Variants in SGSM1 observed in about 807,000 individuals in gnomAD.
SGSM1 encodes small G protein signaling modulator 1.
A neutral mutation model predicts 133.8 loss-of-function variants in SGSM1; 73 were observed. The observed-to-expected ratio is 0.55, with a 90% CI of 0.45 to 0.66. SGSM1 has a LOEUF of 0.66. SGSM1 is among the 30% of genes least tolerant of loss of function. The pLI is 0.00. For synonymous variants in SGSM1, 563 were observed against 573.0 expected (o/e 0.98, Z 0.25); for missense variants, 1,213 against 1,448.1 (o/e 0.84, Z 2.64).
chr22:24,840,989 T>C (rs999196659), intron 2 of SGSM1, among the ~76,000 whole-genome samples: 5 of 152,130 alleles, frequency 3.3e-5, no homozygotes, highest in African/African-American at 4.8e-5. Context: ...TAGCTGGGAC[T>C]ACAGGCGCCC....
chr22:24,894,859 A>G (rs1179366666), intron 17 of SGSM1, among the ~76,000 whole-genome samples: 2 of 152,136 alleles, frequency 1.3e-5, no homozygotes, highest in African/African-American at 2.4e-5. Context: ...GGGCAGAAGC[A>G]TGTATACAGG....
In SGSM1 at chr22:24,919,065, T is replaced by C. The variant is rs1464762681; in HGVS notation, c.3026-761T>C. On this transcript the variant is annotated intron_variant, in intron 23 of 24. Transcript: ENST00000400358. Reference sequence around the variant, plus strand: ...CTTTTTTTTTTTTTTTTTTTTTTTTTCGAGATGAAGTCTGGCTCTGTCACC... The same window carrying C: ...CTTTTTTTTTTTTTTTTTTTTTTTTCCGAGATGAAGTCTGGCTCTGTCACC... Among the ~76,000 whole-genome samples the C allele has an allele frequency of 8.7e-5, 9 of 104,016 alleles. No homozygotes were observed. The East Asian group carries it at 2.2e-3, about 25-fold the overall frequency. The allele number at this position is 104,016 out of a possible 152,430, so 68.2% of individuals were successfully genotyped here.
At position 24,892,418 on chromosome 22, in the gene SGSM1, T is replaced by C. The variant is rs5996788; in HGVS notation, c.1771-1013T>C. 6.8e-3 allele frequency among the ~76,000 whole-genome samples: 1,040 copies of C among 152,228 alleles called. 10 individuals carry two copies. The highest frequency in any genetic ancestry group is 0.024 in the African/African-American group (986 of 41,514). ...CCTGGGCTGTGTTACTCAGGGACAA[T>C]GGAAGCTCCCCACCTCTTTGCTGAA... On this transcript the variant is annotated intron_variant, in intron 16 of 24. Coordinates refer to ENST00000400358, the MANE Select transcript of SGSM1 (RefSeq NM_001098497.3).
rs1485214868 is a variant in SGSM1, at chr22:24,924,750, G to A, written c.*476G>A. The A allele has an allele frequency of 6.0e-6, 1 of 165,428 alleles. No individual in the cohort carries two copies. Among genetic ancestry groups the A allele is most frequent in the Non-Finnish European group, 1.3e-5 (1 of 76,088 alleles). The allele number at this position is 165,428 out of a possible 1,614,324, so 10.2% of individuals were successfully genotyped here. A position where few individuals can be genotyped will look rare whatever the true frequency, so the allele number is the denominator to read the frequency against. On this transcript the variant is annotated 3_prime_UTR_variant, in exon 25 of 25. Coordinates refer to ENST00000400358, the MANE Select transcript of SGSM1 (RefSeq NM_001098497.3). ...CTGGACATGGCTGAAGATTGACTTA[G>A]AGATTGACCCTCCACCTCGACATTA...
At chr22:24,919,040 CTTTTT>C (rs143985087) in intron 23 of SGSM1, among the ~76,000 whole-genome samples, 50 of 71,772 alleles carry the variant, frequency 7.0e-4, no homozygotes, top group East Asian at 6.6e-3. Context: ...CACACCCGGC[CTTTTT>C]TTTTTTTTTT....
intron 19 of SGSM1, 56 bp from the exon 20 acceptor site, chr22:24,901,777 G>C (rs1933168566): frequency 1.3e-6 from 2 of 1,588,204 alleles, no homozygotes; most frequent in Admixed American, 3.5e-5. Flanking sequence ...TTCCAGTGGG[G>C]ACTTAGATGT....
chr22:24,897,866 A>G lies in SGSM1; in HGVS notation c.2023-106A>G. ...TGTATGGTATTCCACTGCATGCTTG[A>G]TCCATATTTAAGCCGATCACCTGTT... On this transcript the variant is annotated intron_variant, in intron 18 of 24. Transcript: ENST00000400358. The G allele has an allele frequency of 5.1e-6, 5 of 979,638 alleles. No individual in the cohort carries two copies. In the South Asian group the frequency reaches 8.0e-5, roughly 16 times the overall value. The allele number at this position is 979,638 out of a possible 1,614,324, so 60.7% of individuals were successfully genotyped here.
chr22:24,902,644 A>G (rs977770974), intron 20 of SGSM1, among the ~76,000 whole-genome samples: 1 of 152,158 alleles, frequency 6.6e-6, no homozygotes, highest in African/African-American at 2.4e-5. Flanking sequence ...CTATGATTAC[A>G]CCATTGTACT....
chr22:24,863,403 C>T (rs143057204), intron 9 of SGSM1, among the ~76,000 whole-genome samples: 1,541 of 152,232 alleles, frequency 0.01, 13 homozygotes, highest in African/African-American at 0.034. Flanking sequence ...GTGATCCACC[C>T]GCCTCCGCCT....
intron 14 of SGSM1, among the ~76,000 whole-genome samples, chr22:24,882,761 T>C (rs1274327383): frequency 6.6e-6 from 1 of 151,868 alleles, no homozygotes; most frequent in African/African-American, 2.4e-5. Context: ...ACATGTGATA[T>C]TTGTCTTTCT....
Position 24,827,747 on chromosome 22 carries a change from C to G in SGSM1, c.64-17150C>G, listed in dbSNP as rs1183952575. 2.0e-5 allele frequency among the ~76,000 whole-genome samples: 3 copies of G among 152,146 alleles called. No homozygotes were observed. In the East Asian group the frequency reaches 5.8e-4, roughly 29 times the overall value. ...GAGGGGTGCTGATTACCACCCACCT[C>G]ACTTAACAGATACCCACATGACGTT... On this transcript the variant is annotated intron_variant, in intron 2 of 24. Coordinates refer to ENST00000400358, the MANE Select transcript of SGSM1 (RefSeq NM_001098497.3).
intron 2 of SGSM1, among the ~76,000 whole-genome samples, chr22:24,834,696 T>G (rs1929322350): frequency 6.6e-6 from 1 of 152,140 alleles, no homozygotes; most frequent in Non-Finnish European, 1.5e-5. Context: ...CCTTGGCTTA[T>G]AGGTGGCCAT....
At chr22:24,844,732 A>T (rs1929995817) in intron 2 of SGSM1, 165 bp from the exon 3 acceptor site, 3 of 593,394 alleles carry the variant, frequency 5.1e-6, no homozygotes, top group East Asian at 5.6e-5. Flanking sequence ...CAGGCCTCAG[A>T]CCTCCAAAAG....
chr22:24,874,241 A>G (rs1931908144), intron 12 of SGSM1, among the ~76,000 whole-genome samples: 1 of 152,212 alleles, frequency 6.6e-6, no homozygotes, highest in South Asian at 2.1e-4. Context: ...CATAGTTGGC[A>G]CTTTATAAAA....
intron 24 of SGSM1, among the ~76,000 whole-genome samples, chr22:24,920,835 G>A (rs188755417): frequency 8.1e-4 from 124 of 152,262 alleles, no homozygotes; most frequent in African/African-American, 2.6e-3. Flanking sequence ...GAGAATGCAC[G>A]ATACCTTGGC....
In SGSM1 at chr22:24,915,253, T is replaced by TAAATAAATAAATAAAC. The variant is rs375854809; in HGVS notation, c.2929-2402_2929-2401insTAAATAAATAAACAAA. On this transcript the variant is annotated intron_variant, in intron 22 of 24. Coordinates refer to ENST00000400358, the MANE Select transcript of SGSM1 (RefSeq NM_001098497.3). ...CAAAATAAATAAATAAATAAATAAA[T>TAAATAAATAAATAAAC]AAACAAACAGCGCTGCACTGAAATT... is the stretch of plus-strand genomic sequence containing the variant. 2.0e-3 allele frequency among the ~76,000 whole-genome samples: 273 copies of TAAATAAATAAATAAAC among 139,552 alleles called. 1 individual carries two copies. Among genetic ancestry groups the TAAATAAATAAATAAAC allele is most frequent in the East Asian group, 7.4e-3 (32 of 4,352 alleles). 91.6% of individuals were successfully genotyped at this position (139,552 alleles called of 152,430 possible).
chr22:24,906,429 T>G (rs1933383797), intron 21 of SGSM1, among the ~76,000 whole-genome samples: 1 of 152,176 alleles, frequency 6.6e-6, no homozygotes, highest in Non-Finnish European at 1.5e-5. Flanking sequence ...TAATTCAGAT[T>G]GGAAAGAAAG....
chr22:24,900,435 T>C (rs2123709681), intron 19 of SGSM1, among the ~76,000 whole-genome samples: 1 of 146,056 alleles, frequency 6.8e-6, no homozygotes, highest in African/African-American at 2.7e-5. Context: ...GTTTCGCTCT[T>C]GTTGCCCAGG....
chr22:24,817,138 A>G (rs5760682), intron 2 of SGSM1, among the ~76,000 whole-genome samples: 14,749 of 152,138 alleles, frequency 0.097, 1,070 homozygotes, highest in East Asian at 0.22. Flanking sequence ...CAAAGGGCTG[A>G]GGGCGCCTGC....
Sources: gnomAD v4.1 joint callset for allele counts (sites outside exome capture counted in the v4.1 genomes callset) on GRCh38, gnomAD v4.1.1 for gene constraint, MANE v1.5 for transcripts, NCBI Gene and HGNC (gene_info 2026-07-23, HGNC 2026-07-21) for gene names.